Variants in USP31 observed in about 807,000 individuals in gnomAD.
USP31 encodes ubiquitin specific peptidase 31, also known as ubiquitin carboxyl-terminal hydrolase 31.
In USP31, 44 loss-of-function variants were observed where a neutral mutation model predicts 119.4. The observed-to-expected ratio is 0.37, with a 90% confidence interval of 0.29 to 0.47. The LOEUF is 0.47. USP31 is among the 20% of genes least tolerant of loss of function. The pLI is 0.99. For synonymous variants in USP31, 749 were observed against 705.6 expected (o/e 1.06, Z -0.97); for missense variants, 1,643 against 1,730.2 (o/e 0.95, Z 0.89).
At chr16:23,079,858 T>G (rs557124340) in intron 13 of USP31, 88 bp downstream of exon 13, 2 of 1,265,276 alleles carry the variant, frequency 1.6e-6, no homozygotes, top group African/African-American at 1.6e-5. Context: ...GGAGGGGAAA[T>G]GAGGCTCTAA....
At chr16:23,114,156 T>G (rs552109460) in intron 1 of USP31, among the ~76,000 whole-genome samples, 2 of 151,680 alleles carry the variant, frequency 1.3e-5, no homozygotes, top group Admixed American at 1.3e-4. Flanking sequence ...GAGATTGATT[T>G]AAAAGAGGCT....
Position 23,062,805 on chromosome 16 carries a change from T to C in USP31, c.*5241A>G, listed in dbSNP as rs554348078. ...GGGCCTTGAATCAGAAGGGCCCTTGTATTTCAAATGGGAGTTTGATATCAG... is the reference window on the plus strand; with the variant it reads ...GGGCCTTGAATCAGAAGGGCCCTTGCATTTCAAATGGGAGTTTGATATCAG... On this transcript the variant is annotated 3_prime_UTR_variant, in exon 16 of 16. Transcript: ENST00000219689. 3.5e-4 allele frequency: 53 copies of C among 152,780 alleles called. No individual in the cohort carries two copies. Among genetic ancestry groups the C allele is most frequent in the African/African-American group, 1.1e-3 (45 of 41,590 alleles). The allele number at this position is 152,780 out of a possible 1,614,324, so 9.5% of individuals were successfully genotyped here.
At chr16:23,080,204 A>G (rs779427450) in intron 12 of USP31, 33 bp from the exon 13 acceptor site, 6 of 1,516,386 alleles carry the variant, frequency 4.0e-6, no homozygotes, top group Non-Finnish European at 5.3e-6. Context: ...TTCTGGTGAT[A>G]TTTTAATGCA....
At chr16:23,083,547 T>C (rs1362380094) in intron 11 of USP31, among the ~76,000 whole-genome samples, 3 of 150,084 alleles carry the variant, frequency 2.0e-5, no homozygotes, top group Non-Finnish European at 3.0e-5. Flanking sequence ...TCTAGTAGAT[T>C]TGCTCATCCA....
At chr16:23,101,711 A>G (rs913594270) in intron 6 of USP31, among the ~76,000 whole-genome samples, 5 of 152,122 alleles carry the variant, frequency 3.3e-5, no homozygotes, top group African/African-American at 1.2e-4. Context: ...ACCCTGAAGA[A>G]TGCTGTGGCG....
chr16:23,085,539 T>C, intron 10 of USP31, 46 bp downstream of exon 10: 1 of 1,518,044 alleles, frequency 6.6e-7, no homozygotes, highest in Non-Finnish European at 9.1e-7. Context: ...ATAAAAATGA[T>C]AATTAAAACA....
In USP31 at chr16:23,073,772, T is replaced by C. The variant is rs1441645730; in HGVS notation, c.2285A>G (p.Tyr762Cys). The change falls in exon 14 of 16, where the codon TAC (tyrosine) becomes TGC (cysteine). Residue 762 changes from tyrosine (Y) to cysteine (C), a missense_variant. Tyr to Cys is a radical substitution (Grantham distance 194). Coordinates refer to ENST00000219689, the MANE Select transcript of USP31 (RefSeq NM_020718.4). ...VCTQTAYILF[Y>C]QRRTAIPSWS... The stretch of plus-strand genomic sequence containing the variant: ...TGACGGGATGGCTGTCCGCCTCTGG[T>C]AGAAGAGGATGTATGCTGTCTGCGT... 1 of 1,613,788 alleles carries C rather than the reference T, an allele frequency of 6.2e-7. No homozygotes were observed. Among genetic ancestry groups the C allele is most frequent in the Non-Finnish European group, 8.5e-7 (1 of 1,179,998 alleles).
At chr16:23,124,511 T>C (rs1178916093) in intron 1 of USP31, among the ~76,000 whole-genome samples, 1 of 152,106 alleles carries the variant, frequency 6.6e-6, no homozygotes, top group Non-Finnish European at 1.5e-5. Flanking sequence ...CGGGACATAC[T>C]CGTCAGTGAG....
chr16:23,096,083 G>A (rs1244183641), intron 6 of USP31, among the ~76,000 whole-genome samples: 2 of 152,116 alleles, frequency 1.3e-5, no homozygotes, highest in Admixed American at 6.5e-5. Flanking sequence ...TCAGTGTGCT[G>A]TATTCAGGAG....
At chr16:23,093,131 A>T (rs937269131) in intron 6 of USP31, among the ~76,000 whole-genome samples, 1 of 152,228 alleles carries the variant, frequency 6.6e-6, no homozygotes. Flanking sequence ...GTGGTGACGG[A>T]TTCTTAGATA....
chr16:23,069,325 T>C lies in USP31; in HGVS notation c.2780A>G (p.Asp927Gly). ...CTTGTGCTCACGGCGACTATGACTG[T>C]CGCTTGGTTCCTGGTAACTGCTAGA... Reference protein sequence around the residue: ...NLSSSYQEPSDSHSRREHKAV... With the variant: ...NLSSSYQEPSGSHSRREHKAV... Residue 927 changes from aspartate (D) to glycine (G), a missense_variant, in exon 16 of 16, where the codon GAC (aspartate) becomes GGC (glycine). By Grantham distance (94) the Asp-to-Gly change is moderately conservative. Transcript: ENST00000219689. 6.2e-7 allele frequency: 1 copy of C among 1,603,182 alleles called. No homozygotes were observed. The highest frequency in any genetic ancestry group is 8.5e-7 in the Non-Finnish European group (1 of 1,173,752).
rs1276005328 is a variant in USP31 at position 23,106,383 on chromosome 16, T to G, written c.860+16A>C. On this transcript the variant is annotated intron_variant, in intron 3 of 15. Transcript: ENST00000219689. ...CAGGTAAACAAAATAAGTGGAAACATCCGATTTTCTCATACCTGTATTGCG... is the reference window on the plus strand; with the variant it reads ...CAGGTAAACAAAATAAGTGGAAACAGCCGATTTTCTCATACCTGTATTGCG... The G allele has an allele frequency of 1.9e-6, 3 of 1,613,512 alleles. No individual in the cohort carries two copies. The highest frequency in any genetic ancestry group is 2.7e-5 in the African/African-American group (2 of 74,898).
chr16:23,069,766 T>A (rs757109205), intron 15 of USP31, 150 bp from the exon 16 acceptor site: 248 of 1,051,388 alleles, frequency 2.4e-4, no homozygotes, highest in Non-Finnish European at 3.2e-4. Flanking sequence ...AAGGAGTCCC[T>A]GTGTGGCTTT....
Position 23,069,457 on chromosome 16 carries a change from A to C in USP31, c.2648T>G (p.Phe883Cys). ...GCTGTGAATTGGCGAATCCCCTGAA[A>C]ATCGGGATGGAGAATTGGAGCGCAT... Reference protein sequence around the residue: ...LQMRSNSPSRFSGDSPIHSSA... With the variant: ...LQMRSNSPSRCSGDSPIHSSA... The change falls in exon 16 of 16, where the codon TTT becomes TGT. Residue 883 changes from phenylalanine to cysteine, a missense_variant. This residue lies in a region of USP31 where 699 missense variants were observed against 650.9 expected (regional missense o/e 1.07). Coordinates refer to ENST00000219689, the MANE Select transcript of USP31 (RefSeq NM_020718.4). 3 of 1,614,170 alleles carry C rather than the reference A, an allele frequency of 1.9e-6. No individual in the cohort carries two copies. The highest frequency in any genetic ancestry group is 2.5e-6 in the Non-Finnish European group (3 of 1,180,014).
intron 13 of USP31, among the ~76,000 whole-genome samples, chr16:23,076,905 A>C (rs1900600960): frequency 6.6e-6 from 1 of 152,236 alleles, no homozygotes. Context: ...ACCAGTCCAC[A>C]AGTATAGAAT....
intron 1 of USP31, among the ~76,000 whole-genome samples, chr16:23,138,876 C>G (rs1051390495): frequency 3.3e-5 from 5 of 152,172 alleles, no homozygotes; most frequent in Admixed American, 6.5e-5. Context: ...ACCTCACCCC[C>G]AGGTTTGCAC....
intron 1 of USP31, among the ~76,000 whole-genome samples, chr16:23,138,316 T>C (rs1176905085): frequency 6.6e-6 from 1 of 152,128 alleles, no homozygotes; most frequent in Non-Finnish European, 1.5e-5. Flanking sequence ...ATGTCTAAAA[T>C]AGAAGTTATC....
intron 2 of USP31, 29 bp downstream of exon 2, chr16:23,108,017 G>A: frequency 6.3e-7 from 1 of 1,586,610 alleles, no homozygotes; most frequent in Non-Finnish European, 8.6e-7. Flanking sequence ...ATGGCTGGCT[G>A]ACTGCCCTAG....
intron 5 of USP31, among the ~76,000 whole-genome samples, chr16:23,104,497 A>C (rs1354959488): frequency 1.3e-5 from 2 of 152,366 alleles, no homozygotes; most frequent in Non-Finnish European, 2.9e-5. Context: ...AAGAGAAGAA[A>C]GAGCCAATGG....
Sources: allele counts gnomAD v4.1 joint callset (sites outside exome capture counted in the v4.1 genomes callset), GRCh38; gene constraint gnomAD v4.1.1; regional missense constraint gnomAD v4.1.1; transcripts MANE v1.5; gene names NCBI Gene and HGNC (gene_info 2026-07-23, HGNC 2026-07-21).